Variants in CYP46A1 observed in about 807,000 individuals in gnomAD.
The protein encoded by CYP46A1 is cytochrome P450 family 46 subfamily A member 1.
A neutral mutation model predicts 63.3 loss-of-function variants in CYP46A1; 20 were observed. The ratio of observed to expected loss-of-function variants is 0.32; its 90% CI spans 0.22 to 0.46. The LOEUF (loss-of-function observed/expected upper bound fraction) is 0.46, where lower values mean the gene tolerates loss of function less well. Ranked by LOEUF, CYP46A1 falls within the 20% of genes least tolerant of loss-of-function variation. The pLI is 1.00. For synonymous variants in CYP46A1, 268 were observed against 273.6 expected (o/e 0.98, Z 0.20); for missense variants, 445 against 670.8 (o/e 0.66, Z 3.72).
chr14:99,715,658 C>T, intron 7 of CYP46A1, 152 bp from the exon 8 acceptor site: 1 of 979,512 alleles, frequency 1.0e-6, no homozygotes, highest in Middle Eastern at 2.6e-4. Context: ...TTGATCCAGT[C>T]TCCCTGGCTG....
intron 6 of CYP46A1, 96 bp from the exon 7 acceptor site, chr14:99,707,472 A>T (rs2056688132): frequency 2.2e-6 from 2 of 911,176 alleles, no homozygotes; most frequent in Admixed American, 2.0e-5. Context: ...CCCTTAGCCC[A>T]GAGTCCAGGT....
chr14:99,697,008 G>GCTTCCGCA (rs2056592184), intron 3 of CYP46A1, among the ~76,000 whole-genome samples: 3 of 152,176 alleles, frequency 2.0e-5, no homozygotes, highest in Non-Finnish European at 4.4e-5. Context: ...GGGCCTCTGC[G>GCTTCCGCA]GAAGGTCTTG....
chr14:99,718,965 CTG>C (rs144248217), intron 10 of CYP46A1, among the ~76,000 whole-genome samples: 2,502 of 152,112 alleles, frequency 0.016, 57 homozygotes, highest in African/African-American at 0.056. Flanking sequence ...TGCTGAGTAT[CTG>C]TTCAGCACCT....
At chr14:99,717,041 G>A (rs865987820) in intron 9 of CYP46A1, among the ~76,000 whole-genome samples, 2 of 152,150 alleles carry the variant, frequency 1.3e-5, no homozygotes, top group African/African-American at 4.8e-5. Flanking sequence ...GATTAGAAGC[G>A]GCCAGTGTTA....
chr14:99,692,956 G>A (rs890981593), intron 3 of CYP46A1, among the ~76,000 whole-genome samples: 1 of 152,198 alleles, frequency 6.6e-6, no homozygotes, highest in Admixed American at 6.5e-5. Context: ...GCTCAACTCC[G>A]GGCTCTGCCA....
chr14:99,697,388 T>C (rs560152192), intron 3 of CYP46A1, among the ~76,000 whole-genome samples: 3 of 152,342 alleles, frequency 2.0e-5, no homozygotes, highest in South Asian at 2.1e-4. Flanking sequence ...GTCCTACTAA[T>C]TCTGGCCTCC....
rs1195596763 is a variant in CYP46A1 at position 99,726,982 on chromosome 14, C to A, written c.*255C>A. 12 of 401,436 alleles carry A rather than the reference C, an allele frequency of 3.0e-5. No individual in the cohort carries two copies. The highest frequency in any genetic ancestry group is 6.2e-4 in the Middle Eastern group (1 of 1,614). 24.9% of individuals were successfully genotyped at this position (401,436 alleles called of 1,614,324 possible). On this transcript the variant is annotated 3_prime_UTR_variant, in exon 15 of 15. Coordinates refer to ENST00000261835, the MANE Select transcript of CYP46A1 (RefSeq NM_006668.2). ...CACTGTCCCTACCACTGAGCCCTTG[C>A]ACAGGCCACTTGCTCAGACGAGACA...
intron 7 of CYP46A1, chr14:99,712,686 C>T (rs1319242788): frequency 3.3e-5 from 5 of 152,084 alleles, no homozygotes; most frequent in African/African-American, 9.7e-5. Context: ...GCTCATGGAT[C>T]GAAAGAATTA....
intron 4 of CYP46A1, 78 bp downstream of exon 4, chr14:99,699,617 T>C: frequency 1.3e-6 from 2 of 1,494,894 alleles, no homozygotes; most frequent in Non-Finnish European, 1.9e-6. Flanking sequence ...CGGTCCAGAA[T>C]GTGGGGTGTA....
In CYP46A1 at chr14:99,720,896, C is replaced by A. The variant is rs148554249; in HGVS notation, c.981-343C>A. 3.9e-3 allele frequency among the ~76,000 whole-genome samples: 588 copies of A among 151,138 alleles called. 5 individuals are homozygous for A. Among genetic ancestry groups the A allele is most frequent in the African/African-American group, 0.013 (548 of 41,188 alleles). ...GGTCAGGAGTTCAAGACCAGCCTGGCCAACATGGTGAAACCCTGTCTCTAC... is the reference window on the plus strand; with the variant it reads ...GGTCAGGAGTTCAAGACCAGCCTGGACAACATGGTGAAACCCTGTCTCTAC... On this transcript the variant is annotated intron_variant, in intron 10 of 14. Coordinates refer to ENST00000261835, the MANE Select transcript of CYP46A1 (RefSeq NM_006668.2).
chr14:99,720,459 CTTTTTT>C (rs34168201), intron 10 of CYP46A1, among the ~76,000 whole-genome samples: 1 of 127,386 alleles, frequency 7.9e-6, no homozygotes, highest in Non-Finnish European at 1.6e-5. Flanking sequence ...CAGATCCACT[CTTTTTT>C]TTTTTTTTTT....
At chr14:99,684,834 G>A (rs2140107933) in intron 1 of CYP46A1, 3 of 501,336 alleles carry the variant, frequency 6.0e-6, no homozygotes, top group South Asian at 4.7e-5. Context: ...GGCGCTCAGA[G>A]GCGAAGTCAC....
chr14:99,700,232 A>G, intron 5 of CYP46A1, 131 bp downstream of exon 5: 1 of 517,136 alleles, frequency 1.9e-6, no homozygotes, highest in Non-Finnish European at 3.3e-6. Context: ...AGAGAGGAAA[A>G]AGGGGAAAGA....
At chr14:99,688,352 T>G (rs1292253150) in intron 1 of CYP46A1, among the ~76,000 whole-genome samples, 1 of 152,170 alleles carries the variant, frequency 6.6e-6, no homozygotes, top group Admixed American at 6.5e-5. Context: ...TCTCCCTTCC[T>G]GCTTCAGTCC....
At chr14:99,692,754 C>T (rs187459233) in intron 3 of CYP46A1, among the ~76,000 whole-genome samples, 4 of 148,770 alleles carry the variant, frequency 2.7e-5, no homozygotes, top group East Asian at 2.0e-4. Flanking sequence ...CGCTTGAACC[C>T]GGGAGGCAGA....
intron 3 of CYP46A1, among the ~76,000 whole-genome samples, chr14:99,694,371 C>CTTT (rs74872295): frequency 0.012 from 1,021 of 86,306 alleles, 9 homozygotes; most frequent in Non-Finnish European, 0.014. Flanking sequence ...TTTGGGTTTT[C>CTTT]TTTTTTTTTT....
intron 12 of CYP46A1, chr14:99,723,099 C>G: frequency 4.0e-6 from 1 of 251,546 alleles, no homozygotes; most frequent in Non-Finnish European, 8.5e-6. Context: ...TGCTGCCATC[C>G]AAATATGTGT....
Position 99,703,905 on chromosome 14 carries a change from G to C in CYP46A1, c.444-2742G>C, listed in dbSNP as rs2056652724. The C allele has an allele frequency of 5.1e-6, 5 of 982,040 alleles. No homozygotes were observed. The South Asian group carries it at 2.4e-4, about 46-fold the overall frequency. The allele number at this position is 982,040 out of a possible 1,614,324, so 60.8% of individuals were successfully genotyped here. On this transcript the variant is annotated intron_variant, in intron 5 of 14. Coordinates refer to ENST00000261835, the MANE Select transcript of CYP46A1 (RefSeq NM_006668.2). ...AAGTGAAAATGGGAAGGAGTAGACT[G>C]GAAAGAGACATTTATTTAAGAAATA...
rs1007746329 is a variant in CYP46A1, at chr14:99,718,082, G to A, written c.936G>A (p.Ala312=). Residue 312 remains alanine, a synonymous_variant, in exon 10 of 15, where the codon GCG becomes GCA. Coordinates refer to ENST00000261835, the MANE Select transcript of CYP46A1 (RefSeq NM_006668.2). ...ACGAGACCTCTGCCAACCACTTGGCGTTCACAGTGATGGAGCTGTCTCGCC... is the reference window on the plus strand; with the variant it reads ...ACGAGACCTCTGCCAACCACTTGGCATTCACAGTGATGGAGCTGTCTCGCC... The part of the protein sequence containing the change: ...AGHETSANHL[A]FTVMELSRQP... The A allele has an allele frequency of 1.2e-5, 20 of 1,613,996 alleles. No individual in the cohort carries two copies. In the East Asian group the frequency reaches 2.0e-4, roughly 16 times the overall value.
Sources: gnomAD v4.1 joint callset for allele counts (sites outside exome capture counted in the v4.1 genomes callset) on GRCh38, gnomAD v4.1.1 for gene constraint, MANE v1.5 for transcripts, NCBI Gene and HGNC (gene_info 2026-07-23, HGNC 2026-07-21) for gene names.